Variants in KIF9 observed in about 807,000 individuals in gnomAD.
KIF9 encodes the protein kinesin family member 9, also known as kinesin-like protein KIF9.
Under a neutral mutation model 94.8 loss-of-function variants are expected in KIF9, and 68 were observed. The observed-to-expected ratio is 0.72, with a 90% CI of 0.59 to 0.88. The LOEUF (loss-of-function observed/expected upper bound fraction) is 0.88. Among genes scored for constraint, KIF9 ranks in the 40% least tolerant of loss-of-function variants. The pLI, the probability that KIF9 is intolerant of heterozygous loss-of-function variation, is 0.00. For synonymous variants in KIF9, 343 were observed against 362.1 expected, an observed-to-expected ratio of 0.95 and a Z score of 0.60; for missense variants, 882 against 982.5, an observed-to-expected ratio of 0.90 and a Z score of 1.37.
In KIF9 at chr3:47,257,509, C is replaced by A. The variant is rs552207522; in HGVS notation, c.1033G>T (p.Ala345Ser). 6.2e-7 allele frequency: 1 copy of A among 1,613,870 alleles called. No individual in the cohort carries two copies. Among genetic ancestry groups the A allele is most frequent in the African/African-American group, 1.3e-5 (1 of 74,940 alleles). Residue 345 changes from alanine to serine, a missense_variant, in exon 10 of 21, where the codon GCC becomes TCC. Coordinates refer to ENST00000684063, the MANE Select transcript of KIF9 (RefSeq NM_182902.4). ...TCAGCATCATACTTTTCATTGATGG[C>A]AGGCTCAGTGGTGACTAGCTTCATC... Reference protein sequence around the residue: ...SRMKLVTTEPAINEKYDAERM... With the variant: ...SRMKLVTTEPSINEKYDAERM...
At chr3:47,231,893 C>T (rs577943180) in intron 20 of KIF9, 11 of 152,120 alleles carry the variant, frequency 7.2e-5, no homozygotes, top group East Asian at 5.8e-4. Flanking sequence ...TAATCCTAAA[C>T]GTAAAGAGTG....
intron 14 of KIF9, 90 bp downstream of exon 14, chr3:47,245,331 G>A: frequency 1.0e-6 from 1 of 970,432 alleles, no homozygotes; most frequent in Non-Finnish European, 1.7e-6. Context: ...CCTAGCTCTG[G>A]TTTAATGCAT....
intron 3 of KIF9, among the ~76,000 whole-genome samples, chr3:47,274,352 C>T (rs562648790): frequency 6.6e-6 from 1 of 152,324 alleles, no homozygotes; most frequent in Non-Finnish European, 1.5e-5. Flanking sequence ...CATGCAGTCA[C>T]CCTGAGCTCC....
At chr3:47,261,456 A>C (rs1284828431) in intron 9 of KIF9, among the ~76,000 whole-genome samples, 6 of 152,002 alleles carry the variant, frequency 3.9e-5, no homozygotes, top group African/African-American at 1.5e-4. Context: ...AGGGGTGGAG[A>C]GCTCCTCCTT....
At chr3:47,231,405 T>C (rs1457542510) in intron 20 of KIF9, among the ~76,000 whole-genome samples, 2 of 4,128 alleles carry the variant, frequency 4.8e-4, no homozygotes, top group Non-Finnish European at 3.2e-3. Context: ...CAGTATCTAC[T>C]TTTTTTTTTT....
chr3:47,236,681 G>A, intron 17 of KIF9, 62 bp from the exon 18 acceptor site: 2 of 1,488,002 alleles, frequency 1.3e-6, no homozygotes, highest in African/African-American at 1.4e-5. Context: ...GGGGGAGGAA[G>A]GGATTCCAGA....
rs1699706715 is a variant in KIF9 at position 47,243,300 on chromosome 3, T to C, written c.1515-55A>G. 4.1e-6 allele frequency: 6 copies of C among 1,463,080 alleles called. No homozygotes were observed. The South Asian group carries it at 5.2e-5, about 13-fold the overall frequency. The allele number at this position is 1,463,080 out of a possible 1,614,324, so 90.6% of individuals were successfully genotyped here. ...CAGTCATGGACAGTGAGTTATCAGATGCCAGGATGAGTGACCTTTCTCAGC... is the reference window on the plus strand; with the variant it reads ...CAGTCATGGACAGTGAGTTATCAGACGCCAGGATGAGTGACCTTTCTCAGC... On this transcript the variant is annotated intron_variant, in intron 15 of 20. Coordinates refer to ENST00000684063, the MANE Select transcript of KIF9 (RefSeq NM_182902.4).
intron 10 of KIF9, among the ~76,000 whole-genome samples, chr3:47,251,818 T>A (rs1700290272): frequency 6.6e-6 from 1 of 152,214 alleles, no homozygotes; most frequent in Non-Finnish European, 1.5e-5. Flanking sequence ...CTCTCCCTGC[T>A]GTCTGTTTAT....
intron 20 of KIF9, among the ~76,000 whole-genome samples, chr3:47,229,101 A>G (rs1698366160): frequency 6.6e-6 from 1 of 152,216 alleles, no homozygotes; most frequent in Non-Finnish European, 1.5e-5. Context: ...TTCACAAATT[A>G]TACCTTTTTA....
chr3:47,254,821 A>C (rs151248786), intron 10 of KIF9, among the ~76,000 whole-genome samples: 1 of 152,142 alleles, frequency 6.6e-6, no homozygotes, highest in East Asian at 1.9e-4. Context: ...AGCCGACCTT[A>C]AGATGAAATT....
intron 20 of KIF9, among the ~76,000 whole-genome samples, chr3:47,232,512 C>A (rs1415494618): frequency 6.6e-6 from 1 of 151,474 alleles, no homozygotes; most frequent in African/African-American, 2.4e-5. Flanking sequence ...CTCGAACTCC[C>A]GACCTTAGGT....
At chr3:47,265,940 A>G in intron 7 of KIF9, 63 bp from the exon 8 acceptor site, 1 of 1,572,818 alleles carries the variant, frequency 6.4e-7, no homozygotes, top group South Asian at 1.1e-5. Flanking sequence ...TAAGAATAGC[A>G]GTCTTCCTGG....
chr3:47,256,966 C>A (rs1055613011), intron 10 of KIF9, among the ~76,000 whole-genome samples: 1 of 152,008 alleles, frequency 6.6e-6, no homozygotes. Context: ...AGAGTCATCA[C>A]CACTCCCTAA....
chr3:47,259,560 T>C (rs554315541), intron 9 of KIF9, among the ~76,000 whole-genome samples: 7 of 152,124 alleles, frequency 4.6e-5, no homozygotes, highest in African/African-American at 1.7e-4. Flanking sequence ...AGAGATCAGA[T>C]TGTTACTGTG....
intron 10 of KIF9, among the ~76,000 whole-genome samples, chr3:47,250,288 T>C (rs1700187749): frequency 6.6e-6 from 1 of 152,302 alleles, no homozygotes; most frequent in Admixed American, 6.5e-5. Context: ...ATTCTAATTT[T>C]AATTAAATAG....
At chr3:47,247,624 C>G (rs1700010885) in intron 11 of KIF9, 147 bp from the exon 12 acceptor site, 1 of 661,790 alleles carries the variant, frequency 1.5e-6, no homozygotes, top group African/African-American at 1.8e-5. Context: ...TCATCGGGTC[C>G]TGCCAGAGGG....
At chr3:47,262,088 T>C (rs1026381448) in intron 9 of KIF9, among the ~76,000 whole-genome samples, 8 of 151,848 alleles carry the variant, frequency 5.3e-5, no homozygotes, top group Middle Eastern at 3.4e-3. Context: ...CCAAGTGGTA[T>C]ATGGGCACAA....
chr3:47,237,256 G>C (rs1332455098), intron 17 of KIF9, among the ~76,000 whole-genome samples: 1 of 152,176 alleles, frequency 6.6e-6, no homozygotes, highest in Non-Finnish European at 1.5e-5. Flanking sequence ...ACCACGCCCA[G>C]CTAATTTTTG....
chr3:47,256,208 T>C (rs1344921107), intron 10 of KIF9, among the ~76,000 whole-genome samples: 2 of 151,888 alleles, frequency 1.3e-5, no homozygotes, highest in Non-Finnish European at 2.9e-5. Flanking sequence ...GGAGCGTCTC[T>C]GCGTGGCCGC....
Sources: gnomAD v4.1 joint callset for allele counts (sites outside exome capture counted in the v4.1 genomes callset) on GRCh38, gnomAD v4.1.1 for gene constraint, MANE v1.5 for transcripts, NCBI Gene and HGNC (gene_info 2026-07-23, HGNC 2026-07-21) for gene names.